Variants in ASB12 observed in about 807,000 individuals in gnomAD.
ASB12 encodes ankyrin repeat and SOCS box protein 12.
A neutral mutation model predicts 13.7 loss-of-function variants in ASB12; 17 were observed. The ratio of observed to expected loss-of-function variants is 1.24; its 90% CI spans 0.85 to 1.86. ASB12 has a LOEUF of 1.86. Among genes scored for constraint, ASB12 ranks in the 40% most tolerant of loss-of-function variants. The probability of loss-of-function intolerance (pLI) is 0.00; values close to 1 mark genes in which losing one functional copy is unlikely to be tolerated. For missense variants in ASB12, 329 were observed against 250.5 expected (o/e 1.31, Z -2.11); for synonymous variants, 107 against 99.8 (o/e 1.07, Z -0.43).
chrX:64,225,497 C>A lies in ASB12; in HGVS notation c.154G>T (p.Asp52Tyr), dbSNP rs1930930218. 5 of 1,208,925 alleles carry A rather than the reference C, an allele frequency of 4.1e-6. No homozygotes were observed. In the African/African-American group the frequency reaches 5.2e-5, roughly 13 times the overall value. The stretch of plus-strand genomic sequence containing the variant: ...TAACGCTCCTGGCGCAAAAGCTGGT[C>A]CAAAGTATAGGAGTCGTTGTCATAC... ...AVYDNDSYTL[D>Y]QLLRQERYKR... The change falls in exon 2 of 3, where the codon GAC (aspartate) becomes TAC (tyrosine). Residue 52 changes from aspartate (D) to tyrosine (Y), a missense_variant. Physicochemically the swap from Asp to Tyr is radical, Grantham distance 160. Coordinates refer to ENST00000362002, the MANE Select transcript of ASB12 (RefSeq NM_130388.4).
rs778326418 is a variant in ASB12, at chrX:64,224,930, G to T, written c.721C>A (p.Gln241Lys). 1.1e-5 allele frequency: 13 copies of T among 1,209,666 alleles called. No individual in the cohort carries two copies. In the Admixed American group the frequency reaches 2.8e-4, roughly 26 times the overall value. The change falls in exon 2 of 3, where the codon CAG becomes AAG. Residue 241 changes from glutamine (Q) to lysine (K), a missense_variant. Gln to Lys is a moderately conservative substitution (Grantham distance 53). Coordinates refer to ENST00000362002, the MANE Select transcript of ASB12 (RefSeq NM_130388.4). ...TTAGCACCAAAATCGATTAACAGCT[G>T]GATATACTCTGGCTCACAATTATGA... ...LHHNCEPEYIQLLIDFGANIY... is the reference protein window; with the variant it reads ...LHHNCEPEYIKLLIDFGANIY...
At position 64,225,603 on chromosome X, in the gene ASB12, G is replaced by A. The variant is rs760978002; in HGVS notation, c.48C>T (p.Thr16=). Residue 16 remains threonine (T), a synonymous_variant, in exon 2 of 3, where the codon ACC becomes ACT. Transcript: ENST00000362002. The part of the protein sequence containing the change: ...QLAKMNLMDI[T]KIFSLLQPDK... ...CGGGCTGCAGGAGGGAGAAGATCTT[G>A]GTGATGTCCATGAGGTTCATCTTGG... 1.7e-6 allele frequency: 2 copies of A among 1,201,830 alleles called. No individual in the cohort carries two copies. Among genetic ancestry groups the A allele is most frequent in the Non-Finnish European group, 2.2e-6 (2 of 889,787 alleles).
Position 64,225,122 on chromosome X carries a change from T to C in ASB12, c.529A>G (p.Asn177Asp). 1 of 1,211,210 alleles carries C rather than the reference T, an allele frequency of 8.3e-7. No individual in the cohort carries two copies. The highest frequency in any genetic ancestry group is 1.7e-5 in the African/African-American group (1 of 57,622). The change falls in exon 2 of 3, where the codon AAC (asparagine) becomes GAC (aspartate). Residue 177 changes from asparagine (N) to aspartate (D), a missense_variant. By Grantham distance (23) the Asn-to-Asp change is conservative (BLOSUM62 1). Transcript: ENST00000362002. ...AGGGGGCCAGAACATGAAGCTATGT[T>C]TGATGCCCAGACTGGTAGTTTAGCT... ...VKAKLPVWAS[N>D]IASCSGPLYL...
intron 1 of ASB12, chrX:64,226,724 G>T: frequency 1.3e-6 from 1 of 754,271 alleles, no homozygotes; most frequent in South Asian, 6.7e-5. Flanking sequence ...CAGTGCTTCA[G>T]TGTCAAGGTC....
intron 1 of ASB12, chrX:64,226,864 C>T (rs975849714): frequency 2.3e-6 from 1 of 431,986 alleles, no homozygotes; most frequent in Non-Finnish European, 2.9e-6. Context: ...TGTCTACCCC[C>T]ACCCCTCTTT....
chrX:64,226,476 T>A (rs752344627), intron 1 of ASB12, among the ~76,000 whole-genome samples: 1 of 111,796 alleles, frequency 8.9e-6, no homozygotes, highest in Non-Finnish European at 1.9e-5. Flanking sequence ...CAGTCGAGGC[T>A]CCCAGGGCAA....
chrX:64,224,451 G>C lies in ASB12; in HGVS notation c.841C>G (p.Leu281Val). The change falls in exon 3 of 3, where the codon CTA becomes GTA. Residue 281 changes from leucine to valine, a missense_variant. Transcript: ENST00000362002. ...LQARATPRSL[L>V]SQVRLVVRRA... ...CGGACGACTAAACGGACCTGTGATA[G>C]AAGTGACCGTGGAGTGGCTACAGCA... The C allele has an allele frequency of 8.3e-7, 1 of 1,210,644 alleles. No individual in the cohort carries two copies. The highest frequency in any genetic ancestry group is 1.8e-5 in the South Asian group (1 of 56,810).
At chrX:64,226,736 C>T (rs1388223424) in intron 1 of ASB12, 8 of 754,293 alleles carry the variant, frequency 1.1e-5, no homozygotes, top group Non-Finnish European at 1.3e-5. Flanking sequence ...GTCAAGGTCG[C>T]CCACCTCAGT....
At position 64,227,964 on chromosome X, in the gene ASB12, G is replaced by GC. The variant is rs199593377; in HGVS notation, c.-24-2291dup. Among the ~76,000 whole-genome samples the GC allele has an allele frequency of 5.8e-3, 648 of 112,331 alleles. 18 individuals carry two copies. In the East Asian group the frequency reaches 0.12, roughly 22 times the overall value. On this transcript the variant is annotated intron_variant, in intron 1 of 2. Coordinates refer to ENST00000362002, the MANE Select transcript of ASB12 (RefSeq NM_130388.4). Reference sequence around the variant, plus strand: ...TTCTCATTGACTATGCTTCATCTAGGCCCCCACTGCCTTTTGCCTCAGCAG... The same window carrying GC: ...TTCTCATTGACTATGCTTCATCTAGGCCCCCCACTGCCTTTTGCCTCAGCAG...
At chrX:64,226,946 AC>A (rs1208857579) in intron 1 of ASB12, among the ~76,000 whole-genome samples, 1 of 110,148 alleles carries the variant, frequency 9.1e-6, no homozygotes, top group African/African-American at 3.3e-5. Context: ...GTCACCCTAA[AC>A]TTTAGGCCCC....
At chrX:64,226,177 A>G (rs1385074040) in intron 1 of ASB12, among the ~76,000 whole-genome samples, 1 of 112,502 alleles carries the variant, frequency 8.9e-6, no homozygotes, top group African/African-American at 3.2e-5. Flanking sequence ...TGGCTAAGCC[A>G]ATAGAACCAT....
chrX:64,226,777 T>G, intron 1 of ASB12: 2 of 751,858 alleles, frequency 2.7e-6, no homozygotes, highest in Non-Finnish European at 3.1e-6. Context: ...GCTGGCAGGT[T>G]TCTCAGAGCT....
rs566866438 is a variant in ASB12 at position 64,224,725 on chromosome X, G to T, written c.823+103C>A. The stretch of plus-strand genomic sequence containing the variant: ...GGGGCCCCAGGAGAGGGAGGAAGAT[G>T]GAGTTTTCTCCAGTGCACCTCAGAG... On this transcript the variant is annotated intron_variant, in intron 2 of 2. Coordinates refer to ENST00000362002, the MANE Select transcript of ASB12 (RefSeq NM_130388.4). The T allele has an allele frequency of 1.3e-5, 13 of 1,012,230 alleles. No individual in the cohort carries two copies. The South Asian group carries it at 2.3e-4, about 18-fold the overall frequency. The allele number at this position is 1,012,230 out of a possible 1,213,427, so 83.4% of individuals were successfully genotyped here. A position where few individuals can be genotyped will look rare whatever the true frequency, so the allele number is the denominator to read the frequency against.
Position 64,224,878 on chromosome X carries a change from T to A in ASB12, c.773A>T (p.Asp258Val), listed in dbSNP as rs1303532276. Reference protein sequence around the residue: ...ANIYLPSLSLDLTSQDDKGIA... With the variant: ...ANIYLPSLSLVLTSQDDKGIA... ...GCCTTTATCATCTTGTGAGGTCAGG[T>A]CAAGGGAGAGAGATGGAAGGTAGAT... The change falls in exon 2 of 3, where the codon GAC becomes GTC. Residue 258 changes from aspartate to valine, a missense_variant. Transcript: ENST00000362002. The A allele has an allele frequency of 1.7e-6, 2 of 1,203,762 alleles. No individual in the cohort carries two copies. Among genetic ancestry groups the A allele is most frequent in the Admixed American group, 4.4e-5 (2 of 45,669 alleles).
rs748815216 is a variant in ASB12 at position 64,224,430 on chromosome X, C to T, written c.862G>A (p.Val288Ile). ...CCAGCCTGGCACAAGGCTCTGCGGA[C>T]GACTAAACGGACCTGTGATAGAAGT... Reference protein sequence around the residue: ...RSLLSQVRLVVRRALCQAGQP... With the variant: ...RSLLSQVRLVIRRALCQAGQP... Residue 288 changes from valine to isoleucine, a missense_variant, in exon 3 of 3, where the codon GTC becomes ATC. By Grantham distance (29) the Val-to-Ile change is conservative. Coordinates refer to ENST00000362002, the MANE Select transcript of ASB12 (RefSeq NM_130388.4). 40 of 1,208,171 alleles carry T rather than the reference C, an allele frequency of 3.3e-5. No homozygotes were observed. Among genetic ancestry groups the T allele is most frequent in the South Asian group, 7.1e-5 (4 of 56,633 alleles).
rs915093951 is a variant in ASB12 at position 64,230,556 on chromosome X, C to T, written c.-118G>A. On this transcript the variant is annotated 5_prime_UTR_variant, in exon 1 of 3. Transcript: ENST00000362002. ...CTGGTGTCCCCTCCTTAGGGAGCCCCCACGGCCCCAACCTGGAGCAGCTGG... is the reference window on the plus strand; with the variant it reads ...CTGGTGTCCCCTCCTTAGGGAGCCCTCACGGCCCCAACCTGGAGCAGCTGG... 3 of 111,876 alleles carry T rather than the reference C, an allele frequency of 2.7e-5. No homozygotes were observed. Among genetic ancestry groups the T allele is most frequent in the Admixed American group, 9.4e-5 (1 of 10,652 alleles). 9.2% of individuals were successfully genotyped at this position (111,876 alleles called of 1,213,427 possible).
In ASB12 at chrX:64,225,088, G is replaced by A. The variant is rs1472035892; in HGVS notation, c.563C>T (p.Ala188Val). The A allele has an allele frequency of 1.7e-6, 2 of 1,209,666 alleles. No homozygotes were observed. Among genetic ancestry groups the A allele is most frequent in the African/African-American group, 3.5e-5 (2 of 57,016 alleles). The change falls in exon 2 of 3, where the codon GCC (alanine) becomes GTC (valine). Residue 188 changes from alanine to valine, a missense_variant. Ala to Val is a moderately conservative substitution (Grantham distance 64, BLOSUM62 0). Coordinates refer to ENST00000362002, the MANE Select transcript of ASB12 (RefSeq NM_130388.4). Reference sequence around the variant, plus strand: ...ACAGTCCAGGTGCCCGTAGACTGCGGCCAAATAGAGGGGGCCAGAACATGA... The same window carrying A: ...ACAGTCCAGGTGCCCGTAGACTGCGACCAAATAGAGGGGGCCAGAACATGA... ...IASCSGPLYL[A>V]AVYGHLDCFR...
At position 64,225,171 on chromosome X, in the gene ASB12, G is replaced by A; in HGVS notation, c.480C>T (p.Asp160=). The change falls in exon 2 of 3, where the codon GAC becomes GAT. Residue 160 remains aspartate, a synonymous_variant. Transcript: ENST00000362002. ...GAVAILQELL[D]HGAEANVKAK... ...CTTTGACGTTGGCCTCTGCACCATG[G>A]TCTAGGAGCTCCTGCAGGATAGCAA... The A allele has an allele frequency of 8.3e-7, 1 of 1,211,629 alleles. No individual in the cohort carries two copies.
intron 1 of ASB12, among the ~76,000 whole-genome samples, chrX:64,226,318 C>G (rs1034978535): frequency 8.9e-6 from 1 of 112,575 alleles, no homozygotes; most frequent in Non-Finnish European, 1.9e-5. Context: ...CTCATCTGAG[C>G]CTTCTGTAAC....
Sources: gnomAD v4.1 joint callset for allele counts (sites outside exome capture counted in the v4.1 genomes callset) on GRCh38, gnomAD v4.1.1 for gene constraint, MANE v1.5 for transcripts, NCBI Gene and HGNC (gene_info 2026-07-23, HGNC 2026-07-21) for gene names.